GRIK2: variants seen among roughly 807,000 people sequenced by gnomAD.
GRIK2 encodes the protein glutamate receptor ionotropic, kainate 2.
Under a neutral mutation model 100.3 loss-of-function variants are expected in GRIK2, and 32 were observed. That is an observed-to-expected ratio of 0.32 (90% CI 0.24 to 0.43). The LOEUF is 0.43. Among genes scored for constraint, GRIK2 ranks in the 20% least tolerant of loss-of-function variants. The probability of loss-of-function intolerance (pLI) is 1.00; values close to 1 mark genes in which losing one functional copy is unlikely to be tolerated. For synonymous variants in GRIK2, 417 were observed against 389.4 expected, an observed-to-expected ratio of 1.07 and a Z score of -0.83; for missense variants, 843 against 1,114.9, an observed-to-expected ratio of 0.76 and a Z score of 3.47.
chr6:101,744,531 T>TATAC (rs2128379953), intron 7 of GRIK2: 2 of 86,982 alleles, frequency 2.3e-5, no homozygotes, highest in Non-Finnish European at 4.2e-5. Flanking sequence ...CGCATATATA[T>TATAC]ATATATATAT....
intron 2 of GRIK2, among the ~76,000 whole-genome samples, chr6:101,410,802 A>T (rs1240152639): frequency 6.6e-6 from 1 of 152,148 alleles, no homozygotes; most frequent in African/African-American, 2.4e-5. Flanking sequence ...AGTTAAAAAA[A>T]TGTAAAGTTT....
chr6:101,891,048 A>T (rs1201145143), intron 12 of GRIK2, among the ~76,000 whole-genome samples: 6 of 151,020 alleles, frequency 4.0e-5, no homozygotes, highest in Non-Finnish European at 7.4e-5. Context: ...GTGCCTTTTC[A>T]ATTACATTAC....
intron 14 of GRIK2, among the ~76,000 whole-genome samples, chr6:101,987,901 A>T (rs1419232760): frequency 6.6e-6 from 1 of 151,266 alleles, no homozygotes; most frequent in Non-Finnish European, 1.5e-5. Flanking sequence ...CTGAGCTTAG[A>T]CTCCTCAATA....
At chr6:101,984,078 A>G (rs904939966) in intron 14 of GRIK2, among the ~76,000 whole-genome samples, 1 of 151,806 alleles carries the variant, frequency 6.6e-6, no homozygotes, top group African/African-American at 2.4e-5. Flanking sequence ...TACATATACT[A>G]CAGCTACATG....
At chr6:101,399,469 C>T (rs772287384) in intron 2 of GRIK2, 77 bp downstream of exon 2, 455 of 785,378 alleles carry the variant, frequency 5.8e-4, no homozygotes, top group Non-Finnish European at 8.9e-4. Flanking sequence ...TTCGCTCTGC[C>T]TGGCGGTGGG....
rs146886121 is a variant in GRIK2 at position 102,064,220 on chromosome 6, C to A, written c.2563-4127C>A. Among the ~76,000 whole-genome samples the A allele has an allele frequency of 4.1e-4, 62 of 150,224 alleles. 2 individuals carry two copies. The East Asian group carries it at 0.012, about 28-fold the overall frequency. ...AAGCAAGATAGTTGTCTTTCTCTTT[C>A]TTCTTCCCTCCAGCTTTCCCTTTCT... On this transcript the variant is annotated intron_variant, in intron 16 of 16. Transcript: ENST00000369134.
chr6:101,570,316 C>T (rs1052890141), intron 2 of GRIK2, among the ~76,000 whole-genome samples: 3 of 152,046 alleles, frequency 2.0e-5, no homozygotes, highest in Non-Finnish European at 4.4e-5. Flanking sequence ...AGCCTTCTGG[C>T]ATTTAATAAA....
chr6:102,067,575 C>A (rs12198351), intron 16 of GRIK2, among the ~76,000 whole-genome samples: 1 of 151,712 alleles, frequency 6.6e-6, no homozygotes, highest in Admixed American at 6.6e-5. Context: ...CAATAAGCCC[C>A]AGATAAACAG....
At chr6:101,433,786 A>G (rs1297684074) in intron 2 of GRIK2, among the ~76,000 whole-genome samples, 1 of 152,224 alleles carries the variant, frequency 6.6e-6, no homozygotes, top group Non-Finnish European at 1.5e-5. Flanking sequence ...CGGTTTGATT[A>G]AAAGAGAAAA....
intron 4 of GRIK2, among the ~76,000 whole-genome samples, chr6:101,640,310 A>C (rs182960595): frequency 6.6e-6 from 1 of 152,140 alleles, no homozygotes; most frequent in Non-Finnish European, 1.5e-5. Context: ...TCTAAACCTC[A>C]AAAAGTTGCA....
chr6:101,563,423 C>G (rs1426209932), intron 2 of GRIK2, among the ~76,000 whole-genome samples: 1 of 152,038 alleles, frequency 6.6e-6, no homozygotes. Flanking sequence ...TTTGTTGAAA[C>G]ATTGTGTTGT....
intron 15 of GRIK2, among the ~76,000 whole-genome samples, chr6:102,039,273 A>C: frequency 6.6e-6 from 1 of 151,642 alleles, no homozygotes; most frequent in East Asian, 1.9e-4. Context: ...ATGTGAAAGT[A>C]AATGCTAAAT....
At chr6:101,564,316 AACACTTCTGTAAAAACTTGGG>A (rs1777154226) in intron 2 of GRIK2, among the ~76,000 whole-genome samples, 1 of 152,196 alleles carries the variant, frequency 6.6e-6, no homozygotes, top group Non-Finnish European at 1.5e-5. Context: ...TCTCTCTTTG[AACACTTCTGTAAAAACTTGGG>A]ACACTTTCCT....
chr6:101,781,130 T>C lies in GRIK2; in HGVS notation c.952-18518T>C, dbSNP rs1364899059. 3.3e-5 allele frequency among the ~76,000 whole-genome samples: 5 copies of C among 152,216 alleles called. No individual in the cohort carries two copies. In the East Asian group the frequency reaches 7.7e-4, roughly 23 times the overall value. ...ACTTTATATGTTATTTTTTCAGTTA[T>C]CTTTTTCTAGGCATTGTTGGGCCTC... On this transcript the variant is annotated intron_variant, in intron 7 of 16. Transcript: ENST00000369134.
At chr6:101,498,115 G>C (rs1436257660) in intron 2 of GRIK2, among the ~76,000 whole-genome samples, 1 of 146,756 alleles carries the variant, frequency 6.8e-6, no homozygotes, top group South Asian at 2.2e-4. Context: ...AGAACATGTG[G>C]TGTTTGGTTT....
At chr6:101,653,772 A>C (rs564129338) in intron 4 of GRIK2, among the ~76,000 whole-genome samples, 1 of 151,974 alleles carries the variant, frequency 6.6e-6, no homozygotes, top group East Asian at 2.0e-4. Context: ...GTTGCCTGCC[A>C]CCACGCCTGG....
In GRIK2 at chr6:101,725,221, T is replaced by C. The variant is rs556989760; in HGVS notation, c.951+38868T>C. 4.6e-5 allele frequency among the ~76,000 whole-genome samples: 7 copies of C among 152,188 alleles called. No individual in the cohort carries two copies. The East Asian group carries it at 1.4e-3, about 29-fold the overall frequency. On this transcript the variant is annotated intron_variant, in intron 7 of 16. Coordinates refer to ENST00000369134, the MANE Select transcript of GRIK2 (RefSeq NM_021956.5). ...TATTGATTTCTTTCCCTAGTTCTTG[T>C]ACCTTTTACCAAAAAGTTGGATTTC...
intron 14 of GRIK2, among the ~76,000 whole-genome samples, chr6:101,970,413 C>G (rs997787075): frequency 6.6e-6 from 1 of 152,022 alleles, no homozygotes; most frequent in Non-Finnish European, 1.5e-5. Flanking sequence ...AGAGGTACTG[C>G]TCCTTTCAGA....
intron 2 of GRIK2, among the ~76,000 whole-genome samples, chr6:101,616,442 A>G (rs946935543): frequency 6.6e-6 from 1 of 151,844 alleles, no homozygotes; most frequent in Non-Finnish European, 1.5e-5. Flanking sequence ...AGGGCATATT[A>G]TAACTACTTC....
Sources: gnomAD v4.1 joint callset for allele counts (sites outside exome capture counted in the v4.1 genomes callset) on GRCh38, gnomAD v4.1.1 for gene constraint, MANE v1.5 for transcripts, NCBI Gene and HGNC (gene_info 2026-07-23, HGNC 2026-07-21) for gene names.